Variants in KIZ observed in about 807,000 individuals in gnomAD.
KIZ encodes kizuna centrosomal protein.
KIZ carries 68 observed loss-of-function variants against 79.6 expected under a neutral mutation model. The observed-to-expected ratio is 0.85, with a 90% CI of 0.70 to 1.05. The LOEUF is 1.05. Among genes scored for constraint, KIZ ranks in the 50% least tolerant of loss-of-function variants. The pLI is 0.00. For missense variants in KIZ, 797 were observed against 800.4 expected (o/e 1.00, Z 0.05); for synonymous variants, 280 against 281.8 (o/e 0.99, Z 0.06).
chr20:21,223,971 C>T (rs1313303414), intron 9 of KIZ, among the ~76,000 whole-genome samples: 2 of 151,938 alleles, frequency 1.3e-5, no homozygotes, highest in Admixed American at 1.3e-4. Flanking sequence ...AGCCACTGCA[C>T]CCGGCCTTAT....
intron 9 of KIZ, among the ~76,000 whole-genome samples, chr20:21,220,725 C>G (rs1238788271): frequency 6.6e-6 from 1 of 152,200 alleles, no homozygotes; most frequent in African/African-American, 2.4e-5. Context: ...AGATACCCAC[C>G]CACCTTGGCC....
rs1445751405 is a variant in KIZ, at chr20:21,182,009, C to T, written c.1352+18850C>T. Among the ~76,000 whole-genome samples, 3 of 152,186 alleles carry T rather than the reference C, an allele frequency of 2.0e-5. No homozygotes were observed. In the East Asian group the frequency reaches 5.8e-4, roughly 29 times the overall value. On this transcript the variant is annotated intron_variant, in intron 6 of 12. Coordinates refer to ENST00000619189, the MANE Select transcript of KIZ (RefSeq NM_018474.6). ...CCTTTCCATTTCCCTGCTCTGACAT[C>T]CTCAGTGTTGACCTCTTCCTACAGC...
chr20:21,180,535 A>G (rs866138623), intron 6 of KIZ, among the ~76,000 whole-genome samples: 10 of 152,252 alleles, frequency 6.6e-5, no homozygotes, highest in Non-Finnish European at 8.8e-5. Flanking sequence ...GCCAAATCCT[A>G]CTACGGGTGT....
At chr20:21,202,919 T>C (rs577438210) in intron 6 of KIZ, among the ~76,000 whole-genome samples, 18 of 152,326 alleles carry the variant, frequency 1.2e-4, no homozygotes, top group African/African-American at 4.1e-4. Context: ...TTCATCAGTC[T>C]TGTTTTATCT....
chr20:21,146,184 T>C (rs1412581910), intron 4 of KIZ, among the ~76,000 whole-genome samples: 1 of 152,214 alleles, frequency 6.6e-6, no homozygotes, highest in Admixed American at 6.5e-5. Flanking sequence ...ATGATTCTGT[T>C]CAAGACCGTA....
chr20:21,164,711 G>C (rs1364596075), intron 6 of KIZ, among the ~76,000 whole-genome samples: 1 of 98,192 alleles, frequency 1.0e-5, no homozygotes, highest in Admixed American at 1.0e-4. Flanking sequence ...CCATTCGAAT[G>C]ACTTTTTTTT....
chr20:21,182,664 G>A (rs1009414094), intron 6 of KIZ, among the ~76,000 whole-genome samples: 2 of 151,890 alleles, frequency 1.3e-5, no homozygotes, highest in Non-Finnish European at 1.5e-5. Flanking sequence ...GGGCGTGTTG[G>A]TGTGCATCTG....
At chr20:21,216,213 G>A (rs925054446) in intron 9 of KIZ, among the ~76,000 whole-genome samples, 6 of 152,066 alleles carry the variant, frequency 3.9e-5, no homozygotes, top group Non-Finnish European at 7.4e-5. Context: ...TTTCTTTTTA[G>A]AATAAGAACA....
At chr20:21,220,983 G>A (rs1017281313) in intron 9 of KIZ, among the ~76,000 whole-genome samples, 3 of 152,154 alleles carry the variant, frequency 2.0e-5, no homozygotes, top group Non-Finnish European at 4.4e-5. Flanking sequence ...AGCTCATCCC[G>A]AGAGGCAGGC....
intron 11 of KIZ, among the ~76,000 whole-genome samples, chr20:21,235,362 A>C (rs763072292): frequency 1.5e-4 from 23 of 152,184 alleles, no homozygotes; most frequent in Non-Finnish European, 2.8e-4. Flanking sequence ...GCAACAGTTT[A>C]TTATTAAAGA....
intron 3 of KIZ, among the ~76,000 whole-genome samples, chr20:21,139,838 TTATG>T (rs2032416250): frequency 6.6e-6 from 1 of 152,106 alleles, no homozygotes; most frequent in Non-Finnish European, 1.5e-5. Flanking sequence ...GGTTCAAAAA[TTATG>T]TAGGTGTTCC....
At chr20:21,174,193 A>C (rs1269835794) in intron 6 of KIZ, among the ~76,000 whole-genome samples, 1 of 152,196 alleles carries the variant, frequency 6.6e-6, no homozygotes, top group East Asian at 1.9e-4. Context: ...GTTTTCCACC[A>C]CCCAAATCAC....
At position 21,136,519 on chromosome 20, in the gene KIZ, C is replaced by T. The variant is rs1320517337; in HGVS notation, c.282C>T (p.Phe94=). ...GTGTCCAAGCTCATGTTGTACACTT[C>T]ACCACAAATACAGAGAAGCTTCAAA... The part of the protein sequence containing the change: ...FERVQAHVVH[F]TTNTEKLQKL... The change falls in exon 3 of 13, where the codon TTC becomes TTT. Residue 94 remains phenylalanine, a synonymous_variant. Coordinates refer to ENST00000619189, the MANE Select transcript of KIZ (RefSeq NM_018474.6). 2 of 1,590,022 alleles carry T rather than the reference C, an allele frequency of 1.3e-6. No individual in the cohort carries two copies. The highest frequency in any genetic ancestry group is 8.5e-7 in the Non-Finnish European group (1 of 1,169,718).
chr20:21,162,479 G>C lies in KIZ; in HGVS notation c.1014G>C (p.Glu338Asp). The C allele has an allele frequency of 6.2e-7, 1 of 1,613,118 alleles. No individual in the cohort carries two copies. The highest frequency in any genetic ancestry group is 1.3e-5 in the African/African-American group (1 of 74,988). ...AATCTGAAAATAAGTGGTCTCAAGA[G>C]AAGCATTCTCCTTGGGAAGGTGTTT... ...YCESENKWSQ[E>D]KHSPWEGVSD... The change falls in exon 5 of 13, where the codon GAG becomes GAC. Residue 338 changes from glutamate (E) to aspartate (D), a missense_variant. Transcript: ENST00000619189.
rs758087503 is a variant in KIZ, at chr20:21,162,391, T to C, written c.926T>C (p.Ile309Thr). 5.4e-5 allele frequency: 87 copies of C among 1,613,484 alleles called. No homozygotes were observed. The highest frequency in any genetic ancestry group is 4.6e-4 in the South Asian group (42 of 91,060). The change falls in exon 5 of 13, where the codon ATT becomes ACT. Residue 309 changes from isoleucine to threonine, a missense_variant. Coordinates refer to ENST00000619189, the MANE Select transcript of KIZ (RefSeq NM_018474.6). ...SEGEILTREH[I>T]EVEEKRASPP... ...GGAGAAATACTGACACGGGAACATA[T>C]TGAAGTTGAGGAAAAAAGAGCCAGC...
At chr20:21,228,895 CA>C (rs1473342733) in intron 9 of KIZ, 115 bp from the exon 10 acceptor site, 20 of 582,780 alleles carry the variant, frequency 3.4e-5, no homozygotes, top group Non-Finnish European at 6.1e-5. Flanking sequence ...AGTGACAGTT[CA>C]AAAAATAATA....
chr20:21,193,890 G>T (rs930695002), intron 6 of KIZ, among the ~76,000 whole-genome samples: 2 of 150,266 alleles, frequency 1.3e-5, no homozygotes, highest in South Asian at 4.3e-4. Context: ...AGCATTAGGA[G>T]ATATACCTAA....
At chr20:21,130,095 C>T (rs888796769) in intron 1 of KIZ, among the ~76,000 whole-genome samples, 1 of 152,198 alleles carries the variant, frequency 6.6e-6, no homozygotes, top group African/African-American at 2.4e-5. Context: ...GCTATCTTAA[C>T]GATGCTCCCT....
chr20:21,224,940 T>C (rs981675591), intron 9 of KIZ, among the ~76,000 whole-genome samples: 2 of 152,218 alleles, frequency 1.3e-5, no homozygotes, highest in Non-Finnish European at 2.9e-5. Flanking sequence ...TGTTTTCACT[T>C]TCTTTCTGTA....
Sources: allele counts gnomAD v4.1 joint callset (sites outside exome capture counted in the v4.1 genomes callset), GRCh38; gene constraint gnomAD v4.1.1; transcripts MANE v1.5; gene names NCBI Gene and HGNC (gene_info 2026-07-23, HGNC 2026-07-21).